The following WSCD2 variants were observed in gnomAD, a reference collection of about 807,000 sequenced individuals.
WSCD2 encodes the protein sialate:O-sulfotransferase 2.
WSCD2 carries 28 observed loss-of-function variants against 55.7 expected under a neutral mutation model. The observed-to-expected ratio is 0.50, with a 90% CI of 0.37 to 0.69. The LOEUF is 0.69. Among genes scored for constraint, WSCD2 ranks in the 30% least tolerant of loss-of-function variants. The pLI, the probability that WSCD2 is intolerant of heterozygous loss-of-function variation, is 0.00. For synonymous variants in WSCD2, 301 were observed against 301.9 expected (o/e 1.00, Z 0.03); for missense variants, 616 against 762.1 (o/e 0.81, Z 2.26).
In WSCD2 at chr12:108,240,525, T is replaced by C. The variant is rs761170122; in HGVS notation, c.1326T>C (p.His442=). The C allele has an allele frequency of 1.5e-6, 2 of 1,355,866 alleles. No individual in the cohort carries two copies. The highest frequency in any genetic ancestry group is 2.3e-5 in the South Asian group (2 of 87,988). The allele number at this position is 1,355,866 out of a possible 1,614,324, so 84.0% of individuals were successfully genotyped here. A position where few individuals can be genotyped will look rare whatever the true frequency, so the allele number is the denominator to read the frequency against. ...KYGGHIGFAA[H]AHWKGKEWPE... is the part of the protein sequence containing the mutation. ...GCGGCCACATAGGCTTTGCTGCGCA[T>C]GCCCACTGGAAGGGCAAAGGTACAG... is the stretch of plus-strand genomic sequence containing the variant. The change falls in exon 8 of 9, where the codon CAT becomes CAC. Residue 442 remains histidine, a synonymous_variant. Coordinates refer to ENST00000547525, the MANE Select transcript of WSCD2 (RefSeq NM_014653.4).
intron 1 of WSCD2, among the ~76,000 whole-genome samples, chr12:108,146,644 G>C (rs1877422595): frequency 6.6e-6 from 1 of 152,194 alleles, no homozygotes; most frequent in African/African-American, 2.4e-5. Context: ...AGGACACAGG[G>C]CTCCAAGGTG....
Position 108,224,814 on chromosome 12 carries a change from TGCTG to T in WSCD2, c.759_762del (p.Met253IlefsTer184). 6.2e-7 allele frequency: 1 copy of T among 1,613,828 alleles called. No homozygotes were observed. The highest frequency in any genetic ancestry group is 8.5e-7 in the Non-Finnish European group (1 of 1,180,040). On this transcript the variant is annotated frameshift_variant, in exon 5 of 9. Transcript: ENST00000547525. LOFTEE classifies it high-confidence loss of function. ...CTGGCCTTACCCGTGACAGCTGCCA[TGCTG>T]AACATGTCTGTGGACAAATGCGTGG...
intron 4 of WSCD2, among the ~76,000 whole-genome samples, chr12:108,213,861 C>A (rs1176086477): frequency 6.6e-6 from 1 of 152,164 alleles, no homozygotes; most frequent in Non-Finnish European, 1.5e-5. Flanking sequence ...GTTCAGAACA[C>A]CATCTCTCTT....
At chr12:108,134,096 C>T (rs1051117739) in intron 1 of WSCD2, among the ~76,000 whole-genome samples, 1 of 152,164 alleles carries the variant, frequency 6.6e-6, no homozygotes, top group African/African-American at 2.4e-5. Flanking sequence ...GCCTTCTAGA[C>T]TTTGCCCAAG....
chr12:108,247,612 G>A (rs1405579873), intron 8 of WSCD2, among the ~76,000 whole-genome samples: 1 of 152,138 alleles, frequency 6.6e-6, no homozygotes, highest in East Asian at 1.9e-4. Flanking sequence ...CTGAAGTGCA[G>A]TGGCATCATC....
intron 1 of WSCD2, among the ~76,000 whole-genome samples, chr12:108,135,011 C>T (rs1454291022): frequency 1.3e-5 from 2 of 152,184 alleles, no homozygotes; most frequent in African/African-American, 4.8e-5. Flanking sequence ...TCATAGCATA[C>T]ATTTGACATT....
intron 1 of WSCD2, among the ~76,000 whole-genome samples, chr12:108,180,299 A>G (rs1475119163): frequency 6.6e-6 from 1 of 152,214 alleles, no homozygotes; most frequent in East Asian, 1.9e-4. Context: ...AGATATAAAA[A>G]CATGCCGCCC....
intron 1 of WSCD2, among the ~76,000 whole-genome samples, chr12:108,132,731 C>T (rs952987445): frequency 6.6e-6 from 1 of 152,152 alleles, no homozygotes; most frequent in Non-Finnish European, 1.5e-5. Flanking sequence ...ATACTCTCTG[C>T]CTGGTGCATG....
intron 3 of WSCD2, among the ~76,000 whole-genome samples, chr12:108,208,962 G>A (rs749288086): frequency 1.3e-5 from 2 of 152,188 alleles, no homozygotes; most frequent in Non-Finnish European, 2.9e-5. Flanking sequence ...AAGTGATGAG[G>A]GTGTCTAAAG....
At chr12:108,225,852 T>A (rs1474765933) in intron 5 of WSCD2, among the ~76,000 whole-genome samples, 1 of 152,138 alleles carries the variant, frequency 6.6e-6, no homozygotes. Context: ...GACTCAAGTG[T>A]CCAGAGGAGA....
At chr12:108,190,068 T>G (rs1882967611) in intron 1 of WSCD2, among the ~76,000 whole-genome samples, 1 of 152,184 alleles carries the variant, frequency 6.6e-6, no homozygotes, top group African/African-American at 2.4e-5. Flanking sequence ...CCCTAAGAGA[T>G]AAATTATATT....
intron 1 of WSCD2, among the ~76,000 whole-genome samples, chr12:108,138,737 T>C (rs1190874785): frequency 6.6e-6 from 1 of 152,254 alleles, no homozygotes; most frequent in Admixed American, 6.5e-5. Context: ...GTTTTCTCTT[T>C]GAACTTCAGC....
chr12:108,203,351 G>A (rs1037101224), intron 2 of WSCD2, among the ~76,000 whole-genome samples: 3 of 152,174 alleles, frequency 2.0e-5, no homozygotes, highest in Non-Finnish European at 4.4e-5. Context: ...CTCCTACACA[G>A]ATTGGCCTTG....
chr12:108,174,554 G>C (rs1332357662), intron 1 of WSCD2, among the ~76,000 whole-genome samples: 9 of 152,166 alleles, frequency 5.9e-5, no homozygotes. Context: ...TGAACACTGG[G>C]TCATGCCTAT....
intron 6 of WSCD2, among the ~76,000 whole-genome samples, chr12:108,227,602 T>C (rs1888252832): frequency 6.6e-6 from 1 of 152,236 alleles, no homozygotes; most frequent in Admixed American, 6.5e-5. Flanking sequence ...AAGTTCTTCC[T>C]TCTTCTCTCT....
At chr12:108,154,094 G>A (rs1878291180) in intron 1 of WSCD2, among the ~76,000 whole-genome samples, 1 of 152,204 alleles carries the variant, frequency 6.6e-6, no homozygotes, top group Admixed American at 6.5e-5. Context: ...GGAAGGTCAG[G>A]GCCCCCTGAG....
At chr12:108,176,543 C>T (rs1880896040) in intron 1 of WSCD2, among the ~76,000 whole-genome samples, 1 of 152,230 alleles carries the variant, frequency 6.6e-6, no homozygotes, top group Non-Finnish European at 1.5e-5. Context: ...GGAGGCACCA[C>T]AGTTTGTTCA....
At position 108,172,786 on chromosome 12, in the gene WSCD2, CTT is replaced by C. The variant is rs371020870; in HGVS notation, c.-551-22493_-551-22492del. ...GCCCACAGAGCTGTGAGAGAGTAAA[CTT>C]TTGTTGTTTTAAGCCACCCAGTTTG... On this transcript the variant is annotated intron_variant, in intron 1 of 8. Coordinates refer to ENST00000547525, the MANE Select transcript of WSCD2 (RefSeq NM_014653.4). Among the ~76,000 whole-genome samples the C allele has an allele frequency of 2.1e-3, 324 of 152,210 alleles. 1 individual carries two copies. The highest frequency in any genetic ancestry group is 7.2e-3 in the African/African-American group (298 of 41,534).
chr12:108,220,538 G>A (rs1593521), intron 4 of WSCD2, among the ~76,000 whole-genome samples: 32,727 of 151,998 alleles, frequency 0.22, 3,722 homozygotes, highest in African/African-American at 0.29. Context: ...ACAATATTAC[G>A]ATTTTTTTAA....
Sources: allele counts gnomAD v4.1 joint callset (sites outside exome capture counted in the v4.1 genomes callset), GRCh38; gene constraint gnomAD v4.1.1; transcripts MANE v1.5; gene names NCBI Gene and HGNC (gene_info 2026-07-23, HGNC 2026-07-21).